IGF1R: variants seen among roughly 807,000 people sequenced by gnomAD.
The protein encoded by IGF1R is insulin-like growth factor 1 receptor.
In IGF1R, 44 loss-of-function variants were observed where a neutral mutation model predicts 144.6. The observed-to-expected ratio is 0.30, with a 90% CI of 0.24 to 0.39. The LOEUF (loss-of-function observed/expected upper bound fraction) is 0.39. Ranked by LOEUF, IGF1R falls within the 10% of genes least tolerant of loss-of-function variation. The pLI is 1.00. For synonymous variants in IGF1R, 795 were observed against 722.8 expected, an observed-to-expected ratio of 1.10 and a Z score of -1.60; for missense variants, 1,355 against 1,833.7, an observed-to-expected ratio of 0.74 and a Z score of 4.77.
intron 2 of IGF1R, among the ~76,000 whole-genome samples, chr15:98,796,357 A>G (rs945641079): frequency 3.9e-5 from 6 of 152,004 alleles, no homozygotes; most frequent in Non-Finnish European, 7.4e-5. Flanking sequence ...ATTTCAGCCA[A>G]CTCGAGAGGG....
chr15:98,676,937 ATTTT>A (rs1017446933), intron 1 of IGF1R, among the ~76,000 whole-genome samples: 2 of 151,072 alleles, frequency 1.3e-5, no homozygotes, highest in African/African-American at 4.9e-5. Flanking sequence ...ATTAAAAAAA[ATTTT>A]TTTTTCATTC....
At position 98,715,967 on chromosome 15, in the gene IGF1R, T is replaced by C. The variant is rs545935500; in HGVS notation, c.640+7860T>C. ...GTGCACAGATGATCTGCAGAACTTC[T>C]GGGGGATAAGAAGCTGCTTTCCTCG... On this transcript the variant is annotated intron_variant, in intron 2 of 20. Transcript: ENST00000650285. Among the ~76,000 whole-genome samples, 6 of 152,328 alleles carry C rather than the reference T, an allele frequency of 3.9e-5. No individual in the cohort carries two copies. The South Asian group carries it at 1.2e-3, about 32-fold the overall frequency.
At chr15:98,956,981 C>T in intron 20 of IGF1R, 80 bp from the exon 21 acceptor site, 2 of 1,495,488 alleles carry the variant, frequency 1.3e-6, no homozygotes, top group Non-Finnish European at 1.9e-6. Context: ...ATGCGGGAAA[C>T]CACTGCAGGC....
intron 14 of IGF1R, 85 bp downstream of exon 14, chr15:98,929,745 T>A: frequency 1.1e-6 from 1 of 947,422 alleles, no homozygotes; most frequent in Non-Finnish European, 1.7e-6. Flanking sequence ...TTTTTGAAGA[T>A]TTCAAGGAAA....
chr15:98,760,173 T>C (rs2055256803), intron 2 of IGF1R, among the ~76,000 whole-genome samples: 1 of 143,936 alleles, frequency 6.9e-6, no homozygotes, highest in Middle Eastern at 3.4e-3. Context: ...AACTCCTGTC[T>C]CTACTTAAAA....
At chr15:98,846,077 C>A (rs538921478) in intron 2 of IGF1R, among the ~76,000 whole-genome samples, 47 of 152,290 alleles carry the variant, frequency 3.1e-4, no homozygotes, top group African/African-American at 1.0e-3. Flanking sequence ...TCTAGGGAGT[C>A]TCTGACATCA....
At chr15:98,719,081 C>T (rs1438850467) in intron 2 of IGF1R, among the ~76,000 whole-genome samples, 2 of 152,322 alleles carry the variant, frequency 1.3e-5, no homozygotes, top group East Asian at 3.9e-4. Flanking sequence ...TTTTTGTTCT[C>T]TTCCTCAGTG....
At chr15:98,676,081 C>T (rs1383647953) in intron 1 of IGF1R, among the ~76,000 whole-genome samples, 6 of 151,916 alleles carry the variant, frequency 3.9e-5, no homozygotes, top group African/African-American at 4.8e-5. Context: ...CCGCCCACCT[C>T]ACCTTCCCAA....
chr15:98,736,305 C>T (rs758510594), intron 2 of IGF1R, among the ~76,000 whole-genome samples: 29 of 152,306 alleles, frequency 1.9e-4, no homozygotes, highest in Admixed American at 4.6e-4. Flanking sequence ...ATCAATTTAA[C>T]AGCATGAATG....
intron 1 of IGF1R, among the ~76,000 whole-genome samples, chr15:98,688,545 A>G (rs1054832336): frequency 6.6e-6 from 1 of 152,020 alleles, no homozygotes; most frequent in Non-Finnish European, 1.5e-5. Flanking sequence ...TGTGCTAACC[A>G]CTGCTGAGTG....
intron 1 of IGF1R, among the ~76,000 whole-genome samples, chr15:98,691,679 T>G (rs920939467): frequency 6.6e-6 from 1 of 152,074 alleles, no homozygotes; most frequent in Non-Finnish European, 1.5e-5. Flanking sequence ...TTTCTTATGG[T>G]TAGTCTGGGA....
chr15:98,824,733 C>T (rs922722310), intron 2 of IGF1R, among the ~76,000 whole-genome samples: 1 of 152,238 alleles, frequency 6.6e-6, no homozygotes, highest in Non-Finnish European at 1.5e-5. Context: ...TACTAGCTAA[C>T]ATCTATTTTT....
Position 98,682,958 on chromosome 15 carries a change from C to T in IGF1R, c.95-24604C>T, listed in dbSNP as rs549855422. 1.8e-4 allele frequency among the ~76,000 whole-genome samples: 27 copies of T among 151,330 alleles called. No individual in the cohort carries two copies. In the South Asian group the frequency reaches 4.2e-3, roughly 24 times the overall value. On this transcript the variant is annotated intron_variant, in intron 1 of 20. Transcript: ENST00000650285. ...TGGAGCAGGCTCCGGGGCACCACTT[C>T]CCTCCCTAGAGTTGATGAACCCCTC...
chr15:98,778,085 G>A (rs1341359272), intron 2 of IGF1R, among the ~76,000 whole-genome samples: 1 of 152,174 alleles, frequency 6.6e-6, no homozygotes, highest in African/African-American at 2.4e-5. Context: ...AATCTTTTAG[G>A]GGGTGAGGAT....
At chr15:98,850,328 G>A (rs1375982112) in intron 2 of IGF1R, among the ~76,000 whole-genome samples, 1 of 152,234 alleles carries the variant, frequency 6.6e-6, no homozygotes, top group African/African-American at 2.4e-5. Flanking sequence ...GAGGCCTTCA[G>A]GCTGAGAGAG....
At chr15:98,814,887 A>T (rs1479271509) in intron 2 of IGF1R, among the ~76,000 whole-genome samples, 1 of 152,238 alleles carries the variant, frequency 6.6e-6, no homozygotes, top group African/African-American at 2.4e-5. Context: ...ATGCTTCCTT[A>T]TATCTGTGGG....
At chr15:98,754,214 T>C (rs1596270446) in intron 2 of IGF1R, among the ~76,000 whole-genome samples, 2 of 152,272 alleles carry the variant, frequency 1.3e-5, no homozygotes, top group Admixed American at 1.3e-4. Context: ...TAATGAGCCT[T>C]AATTAATCCA....
chr15:98,660,048 T>C (rs756285973), intron 1 of IGF1R, among the ~76,000 whole-genome samples: 1 of 152,258 alleles, frequency 6.6e-6, no homozygotes, highest in Non-Finnish European at 1.5e-5. Flanking sequence ...ACACAAAATA[T>C]ATAGCTGGTT....
intron 2 of IGF1R, among the ~76,000 whole-genome samples, chr15:98,723,134 T>G (rs1326129395): frequency 1.3e-5 from 2 of 151,976 alleles, no homozygotes; most frequent in Non-Finnish European, 2.9e-5. Context: ...CACGCTAGAA[T>G]GAGTTTCGTA....
Sources: allele counts gnomAD v4.1 joint callset (sites outside exome capture counted in the v4.1 genomes callset), GRCh38; gene constraint gnomAD v4.1.1; transcripts MANE v1.5; gene names NCBI Gene and HGNC (gene_info 2026-07-23, HGNC 2026-07-21).